TMEM182: variants seen among roughly 807,000 people sequenced by gnomAD.
The protein encoded by TMEM182 is transmembrane protein 182.
TMEM182 carries 20 observed loss-of-function variants against 26.8 expected under a neutral mutation model. The observed-to-expected ratio is 0.75, with a 90% CI of 0.53 to 1.09. The LOEUF is 1.09. Among genes scored for constraint, TMEM182 ranks in the 50% least tolerant of loss-of-function variants. The probability of loss-of-function intolerance (pLI) is 0.00; values close to 1 mark genes in which losing one functional copy is unlikely to be tolerated. For missense variants in TMEM182, 277 were observed against 275.5 expected (o/e 1.01, Z -0.04); for synonymous variants, 109 against 102.2 (o/e 1.07, Z -0.40).
chr2:102,752,105 C>G (rs917240673), intron 1 of TMEM182, among the ~76,000 whole-genome samples: 1 of 152,148 alleles, frequency 6.6e-6, no homozygotes, highest in African/African-American at 2.4e-5. Context: ...TTTAGAGGGA[C>G]AGGATTTAGT....
At chr2:102,795,916 C>T (rs181412227) in intron 3 of TMEM182, among the ~76,000 whole-genome samples, 7 of 152,256 alleles carry the variant, frequency 4.6e-5, no homozygotes, top group African/African-American at 1.7e-4. Flanking sequence ...TGATTCCTCC[C>T]TCCTCTTTGC....
intron 3 of TMEM182, among the ~76,000 whole-genome samples, chr2:102,837,535 T>TG (rs934604116): frequency 2.1e-4 from 1 of 4,668 alleles, no homozygotes; most frequent in African/African-American, 9.7e-4. Flanking sequence ...GTCAGTGCTG[T>TG]GGGGGGTTCG....
At chr2:102,833,768 C>G (rs1412254098) in intron 3 of TMEM182, among the ~76,000 whole-genome samples, 1 of 152,172 alleles carries the variant, frequency 6.6e-6, no homozygotes, top group East Asian at 1.9e-4. Flanking sequence ...TTGAAGAGTA[C>G]TGGTCAAGGA....
chr2:102,801,573 T>C (rs996731918), intron 4 of TMEM182, among the ~76,000 whole-genome samples: 9 of 152,244 alleles, frequency 5.9e-5, no homozygotes, highest in African/African-American at 2.2e-4. Flanking sequence ...ACCGTTGCTA[T>C]GGTGCCCAGA....
intron 3 of TMEM182, 40 bp downstream of exon 3, chr2:102,764,467 T>G: frequency 6.4e-7 from 1 of 1,563,284 alleles, no homozygotes; most frequent in Non-Finnish European, 8.8e-7. Context: ...TAAAAGGGTC[T>G]TATCTTTCTG....
intron 4 of TMEM182, among the ~76,000 whole-genome samples, chr2:102,810,129 T>A (rs1168663543): frequency 4.0e-5 from 6 of 151,580 alleles, no homozygotes; most frequent in Non-Finnish European, 4.4e-5. Flanking sequence ...ACTCTCTTTT[T>A]AAAAAAAAAT....
chr2:102,805,181 T>C (rs955843626), intron 4 of TMEM182, among the ~76,000 whole-genome samples: 2 of 152,252 alleles, frequency 1.3e-5, no homozygotes, highest in African/African-American at 4.8e-5. Flanking sequence ...GATTCTTCCT[T>C]GCAAGCTTAT....
chr2:102,773,138 A>G (rs1012363320), intron 3 of TMEM182, among the ~76,000 whole-genome samples: 1 of 152,186 alleles, frequency 6.6e-6, no homozygotes, highest in Non-Finnish European at 1.5e-5. Context: ...TTTATTCAAC[A>G]AATATTTTTT....
rs924311105 is a variant in TMEM182, at chr2:102,817,058, A to G, written c.*2090A>G. Reference sequence around the variant, plus strand: ...TATAGTTGTAATGCATCAATCAAATACATTTCAAGCACATTTCTTGATCAA... The same window carrying G: ...TATAGTTGTAATGCATCAATCAAATGCATTTCAAGCACATTTCTTGATCAA... On this transcript the variant is annotated 3_prime_UTR_variant, in exon 5 of 5. Transcript: ENST00000412401. 9.5e-5 allele frequency: 94 copies of G among 985,462 alleles called. No homozygotes were observed. Among genetic ancestry groups the G allele is most frequent in the Non-Finnish European group, 1.1e-4 (90 of 829,952 alleles). The allele number at this position is 985,462 out of a possible 1,614,324, so 61.0% of individuals were successfully genotyped here.
intron 3 of TMEM182, among the ~76,000 whole-genome samples, chr2:102,783,774 A>G (rs1259590565): frequency 1.3e-5 from 2 of 152,206 alleles, no homozygotes; most frequent in African/African-American, 4.8e-5. Context: ...CCTAAGCAAC[A>G]TAGTGAGAAG....
chr2:102,759,742 G>T (rs1680151268), upstream of TMEM182, among the ~76,000 whole-genome samples: 1 of 152,170 alleles, frequency 6.6e-6, no homozygotes, highest in Non-Finnish European at 1.5e-5. Context: ...TTTGTGGACA[G>T]GGCTCCATTC....
rs1035254999 is a variant in TMEM182, at chr2:102,751,706, C to T, written c.-82-6683C>T. ...CTTTTTCTTTCTTTCTTTTTAGAGA[C>T]AGGGTCTCACTCTGTTGCCCAGGCT... On this transcript the variant is annotated intron_variant, in intron 1 of 5. Transcript: ENST00000409173. Among the ~76,000 whole-genome samples, 6 of 152,146 alleles carry T rather than the reference C, an allele frequency of 3.9e-5. No individual in the cohort carries two copies. The South Asian group carries it at 1.2e-3, about 32-fold the overall frequency.
chr2:102,776,633 G>A (rs1680926745), intron 3 of TMEM182, among the ~76,000 whole-genome samples: 1 of 152,114 alleles, frequency 6.6e-6, no homozygotes. Flanking sequence ...TTGTGTGCAG[G>A]TTTTTTTGTG....
intron 3 of TMEM182, among the ~76,000 whole-genome samples, chr2:102,833,825 T>C (rs532062368): frequency 6.6e-6 from 1 of 152,356 alleles, no homozygotes; most frequent in Non-Finnish European, 1.5e-5. Context: ...TTTTGATAGA[T>C]TGGAGCCATA....
At chr2:102,833,354 A>C (rs1291619287) in intron 3 of TMEM182, among the ~76,000 whole-genome samples, 2 of 152,208 alleles carry the variant, frequency 1.3e-5, no homozygotes, top group Non-Finnish European at 2.9e-5. Flanking sequence ...CACCAGATCC[A>C]ATTGCAGTTC....
At chr2:102,795,395 T>C (rs550566243) in intron 3 of TMEM182, among the ~76,000 whole-genome samples, 3 of 152,336 alleles carry the variant, frequency 2.0e-5, no homozygotes, top group Non-Finnish European at 4.4e-5. Context: ...CAGTGGAGAA[T>C]TCACTGTTAA....
At chr2:102,818,010 A>G (rs1409262535), downstream of TMEM182, among the ~76,000 whole-genome samples, 1 of 152,222 alleles carries the variant, frequency 6.6e-6, no homozygotes, top group Non-Finnish European at 1.5e-5. Flanking sequence ...GAGACTTAGA[A>G]TGTCAGAGGT....
At chr2:102,825,244 C>G (rs1683011811) in intron 3 of TMEM182, among the ~76,000 whole-genome samples, 1 of 152,000 alleles carries the variant, frequency 6.6e-6, no homozygotes, top group Non-Finnish European at 1.5e-5. Context: ...TTTTTCTTTA[C>G]AAAAGTAATA....
intron 1 of TMEM182, among the ~76,000 whole-genome samples, chr2:102,741,191 T>C (rs547594658): frequency 2.3e-4 from 35 of 152,302 alleles, no homozygotes; most frequent in African/African-American, 7.2e-4. Flanking sequence ...CAAGATCAGC[T>C]TACTGGGAGC....
Sources: gnomAD v4.1 joint callset for allele counts (sites outside exome capture counted in the v4.1 genomes callset) on GRCh38, gnomAD v4.1.1 for gene constraint, MANE v1.5 for transcripts, NCBI Gene and HGNC (gene_info 2026-07-23, HGNC 2026-07-21) for gene names.